The following PPP4R4 variants were observed in gnomAD, a reference collection of about 807,000 sequenced individuals.
The protein encoded by PPP4R4 is serine/threonine-protein phosphatase 4 regulatory subunit 4.
Under a neutral mutation model 121.8 loss-of-function variants are expected in PPP4R4, and 70 were observed. The observed-to-expected ratio is 0.57, with a 90% CI of 0.47 to 0.70. The LOEUF (loss-of-function observed/expected upper bound fraction) is 0.70. PPP4R4 is among the 30% of genes least tolerant of loss of function. The pLI is 0.00. For synonymous variants in PPP4R4, 348 were observed against 355.7 expected, an observed-to-expected ratio of 0.98 and a Z score of 0.24; for missense variants, 875 against 1,033.6, an observed-to-expected ratio of 0.85 and a Z score of 2.10.
chr14:94,216,451 C>T (rs746483742), intron 3 of PPP4R4, among the ~76,000 whole-genome samples: 2 of 152,218 alleles, frequency 1.3e-5, no homozygotes, highest in African/African-American at 2.4e-5. Flanking sequence ...TGAATGTGCA[C>T]TCGCACAGTT....
chr14:94,181,685 T>A (rs1889002622), intron 2 of PPP4R4, among the ~76,000 whole-genome samples: 1 of 152,210 alleles, frequency 6.6e-6, no homozygotes, highest in Non-Finnish European at 1.5e-5. Context: ...AAAGCATGGT[T>A]CTAGGTTTTT....
intron 12 of PPP4R4, 144 bp downstream of exon 12, chr14:94,244,856 C>T (rs1335038809): frequency 2.8e-6 from 2 of 711,956 alleles, no homozygotes; most frequent in East Asian, 4.3e-5. Flanking sequence ...ACCACTATAT[C>T]ATAAATAGGA....
chr14:94,256,207 A>G (rs1893463809), intron 16 of PPP4R4, among the ~76,000 whole-genome samples: 1 of 152,018 alleles, frequency 6.6e-6, no homozygotes, highest in Admixed American at 6.6e-5. Context: ...GACAGATTTT[A>G]CTTGTTTCTT....
intron 23 of PPP4R4, among the ~76,000 whole-genome samples, chr14:94,273,833 AAAAC>A (rs1429898657): frequency 2.6e-5 from 4 of 152,130 alleles, no homozygotes; most frequent in South Asian, 2.1e-4. Context: ...AACAAAAACA[AAAAC>A]AAACCCTGAA....
chr14:94,175,400 C>T (rs963757446), intron 1 of PPP4R4: 1 of 153,176 alleles, frequency 6.5e-6, no homozygotes, highest in Non-Finnish European at 1.5e-5. Context: ...GCTTGCTCCC[C>T]CCACCCCTAC....
intron 23 of PPP4R4, among the ~76,000 whole-genome samples, chr14:94,270,614 C>T (rs936571137): frequency 6.6e-6 from 1 of 151,968 alleles, no homozygotes; most frequent in Admixed American, 6.6e-5. Flanking sequence ...GCTGGATGGA[C>T]CAATTCCTGG....
rs1447869245 is a variant in PPP4R4 at position 94,279,721 on chromosome 14, ATAGGT to A, written c.*1081_*1085del. 2.6e-5 allele frequency: 4 copies of A among 152,674 alleles called. No individual in the cohort carries two copies. The highest frequency in any genetic ancestry group is 6.5e-5 in the Admixed American group (1 of 15,290). 9.5% of individuals were successfully genotyped at this position (152,674 alleles called of 1,614,324 possible). On this transcript the variant is annotated 3_prime_UTR_variant, in exon 25 of 25. Coordinates refer to ENST00000304338, the MANE Select transcript of PPP4R4 (RefSeq NM_058237.2). ...ATAATGAATTTACTCAAAATAAAAC[ATAGGT>A]TAATGAGATACCTGTGTTTGTGAAA...
intron 2 of PPP4R4, among the ~76,000 whole-genome samples, chr14:94,184,893 C>T (rs1889183093): frequency 6.6e-6 from 1 of 152,090 alleles, no homozygotes; most frequent in Non-Finnish European, 1.5e-5. Flanking sequence ...AGTTGCTTTA[C>T]AGTATCTTAT....
At chr14:94,224,389 CTG>C (rs1428349248) in intron 3 of PPP4R4, among the ~76,000 whole-genome samples, 1 of 152,174 alleles carries the variant, frequency 6.6e-6, no homozygotes, top group East Asian at 1.9e-4. Flanking sequence ...CACTTGGAAT[CTG>C]TTACCCTTAC....
chr14:94,194,764 G>A (rs999944719), intron 2 of PPP4R4, among the ~76,000 whole-genome samples: 11 of 151,964 alleles, frequency 7.2e-5, no homozygotes, highest in Admixed American at 1.3e-4. Flanking sequence ...ACCCCACACC[G>A]GGCAATACTT....
intron 2 of PPP4R4, among the ~76,000 whole-genome samples, chr14:94,191,135 G>T (rs1889577844): frequency 6.6e-6 from 1 of 152,120 alleles, no homozygotes; most frequent in Admixed American, 6.5e-5. Context: ...AGGTGTACTT[G>T]CACCTTAATA....
chr14:94,188,576 T>C (rs557400618), intron 2 of PPP4R4, among the ~76,000 whole-genome samples: 5 of 151,640 alleles, frequency 3.3e-5, no homozygotes, highest in Admixed American at 2.0e-4. Flanking sequence ...TATATATATA[T>C]GTGTGTATAC....
chr14:94,180,676 C>A (rs12147582), intron 2 of PPP4R4, among the ~76,000 whole-genome samples: 23,593 of 145,802 alleles, frequency 0.16, 1,973 homozygotes, highest in Middle Eastern at 0.25. Context: ...AGTGGCTATT[C>A]ACAGGCACGG....
rs1257763556 is a variant in PPP4R4, at chr14:94,253,462, A to G, written c.1865+1566A>G. Among the ~76,000 whole-genome samples the G allele has an allele frequency of 2.0e-5, 3 of 152,222 alleles. No homozygotes were observed. In the East Asian group the frequency reaches 5.8e-4, roughly 29 times the overall value. ...GTGACAGAGCAAGACTTCGTCTCAA[A>G]AAAAGGAACCTTTGGTAATTCTTTA... On this transcript the variant is annotated intron_variant, in intron 16 of 24. Transcript: ENST00000304338.
At chr14:94,188,308 T>C (rs752505382) in intron 2 of PPP4R4, among the ~76,000 whole-genome samples, 10 of 152,184 alleles carry the variant, frequency 6.6e-5, no homozygotes, top group Non-Finnish European at 1.3e-4. Context: ...TATGTATTAG[T>C]CTTTTTATAT....
chr14:94,226,616 A>G (rs1891718302), intron 3 of PPP4R4, among the ~76,000 whole-genome samples: 1 of 152,150 alleles, frequency 6.6e-6, no homozygotes, highest in Admixed American at 6.5e-5. Flanking sequence ...TTTATAATGA[A>G]GAGGGCTATT....
chr14:94,231,370 T>G, intron 5 of PPP4R4, 55 bp downstream of exon 5: 1 of 1,432,724 alleles, frequency 7.0e-7, no homozygotes, highest in Non-Finnish European at 9.6e-7. Context: ...AGGTTTTTTT[T>G]TAAAAGGTTT....
chr14:94,279,409 A>G lies in PPP4R4; in HGVS notation c.*766A>G, dbSNP rs1894814495. On this transcript the variant is annotated 3_prime_UTR_variant, in exon 25 of 25. Transcript: ENST00000304338. The stretch of plus-strand genomic sequence containing the variant: ...CTAGTCTGAATCAGCTGTTATTCCA[A>G]GCTATCATGCTTAAGCTATGTCAAC... The G allele has an allele frequency of 6.6e-6, 1 of 152,614 alleles. No individual in the cohort carries two copies. The highest frequency in any genetic ancestry group is 2.4e-5 in the African/African-American group (1 of 41,442). The allele number at this position is 152,614 out of a possible 1,614,324, so 9.5% of individuals were successfully genotyped here. A position where few individuals can be genotyped will look rare whatever the true frequency, so the allele number is the denominator to read the frequency against.
chr14:94,256,657 A>G (rs1893488098), intron 17 of PPP4R4, 53 bp downstream of exon 17: 1 of 1,451,130 alleles, frequency 6.9e-7, no homozygotes, highest in Admixed American at 2.1e-5. Context: ...GGCAGTAAGA[A>G]TCTTAGCTTC....
Sources: allele counts gnomAD v4.1 joint callset (sites outside exome capture counted in the v4.1 genomes callset), GRCh38; gene constraint gnomAD v4.1.1; transcripts MANE v1.5; gene names NCBI Gene and HGNC (gene_info 2026-07-23, HGNC 2026-07-21).